PALLD: variants seen among roughly 807,000 people sequenced by gnomAD.
PALLD encodes palladin, cytoskeletal associated protein.
In PALLD, 61 loss-of-function variants were observed where a neutral mutation model predicts 123.5. That is an observed-to-expected ratio of 0.49 (90% CI 0.40 to 0.61). The LOEUF is 0.61. Ranked by LOEUF, PALLD falls within the 20% of genes least tolerant of loss-of-function variation. PALLD has a pLI of 0.00. For missense variants in PALLD, 1,273 were observed against 1,377.0 expected, an observed-to-expected ratio of 0.92 and a Z score of 1.20; for synonymous variants, 465 against 496.4, an observed-to-expected ratio of 0.94 and a Z score of 0.84.
chr4:168,907,066 C>T (rs888968920), intron 15 of PALLD, among the ~76,000 whole-genome samples: 1 of 152,028 alleles, frequency 6.6e-6, no homozygotes, highest in Non-Finnish European at 1.5e-5. Flanking sequence ...CCTGTGTGAC[C>T]TTAGCAAGTC....
At chr4:168,539,854 T>C (rs1410692420) in intron 2 of PALLD, among the ~76,000 whole-genome samples, 3 of 152,100 alleles carry the variant, frequency 2.0e-5, no homozygotes, top group Non-Finnish European at 4.4e-5. Context: ...ACGTGCAGGT[T>C]TGTTACATGG....
intron 2 of PALLD, among the ~76,000 whole-genome samples, chr4:168,635,452 C>G (rs1040597908): frequency 6.6e-6 from 1 of 152,238 alleles, no homozygotes; most frequent in African/African-American, 2.4e-5. Flanking sequence ...CCTATTACCT[C>G]TGAACAGGTT....
chr4:168,596,222 A>G (rs1000328408), intron 2 of PALLD, among the ~76,000 whole-genome samples: 4 of 152,128 alleles, frequency 2.6e-5, no homozygotes, highest in Admixed American at 6.6e-5. Context: ...CCATGGTCTA[A>G]TAGAGGAGAA....
At position 168,819,327 on chromosome 4, in the gene PALLD, T is replaced by TTGTGTGTG. The variant is rs3046003; in HGVS notation, c.1965-71566_1965-71559dup. Among the ~76,000 whole-genome samples the TTGTGTGTG allele has an allele frequency of 3.4e-5, 5 of 148,942 alleles. No individual in the cohort carries two copies. The East Asian group carries it at 6.0e-4, about 18-fold the overall frequency. ...GTAACTGCAGAGGCTCCGAGACCAT[T>TTGTGTGTG]TGTGTGTGTGTGTGTGTGTGTGTGT... On this transcript the variant is annotated intron_variant, in intron 10 of 21. Transcript: ENST00000505667.
At chr4:168,901,716 A>G (rs1016652987) in intron 14 of PALLD, among the ~76,000 whole-genome samples, 5 of 151,968 alleles carry the variant, frequency 3.3e-5, no homozygotes, top group African/African-American at 9.7e-5. Context: ...ACATTAGCTG[A>G]GCATGGAGGC....
intron 8 of PALLD, among the ~76,000 whole-genome samples, chr4:168,706,144 T>C (rs1784208399): frequency 6.6e-6 from 1 of 152,194 alleles, no homozygotes. Flanking sequence ...CTATGCCCAC[T>C]GAACAGCAAC....
intron 1 of PALLD, among the ~76,000 whole-genome samples, chr4:168,500,754 C>T (rs1448777739): frequency 2.6e-5 from 4 of 152,030 alleles, no homozygotes; most frequent in Non-Finnish European, 5.9e-5. Context: ...AATCTATCCC[C>T]AAAAGTCAGC....
At chr4:168,717,361 G>A (rs75910136) in intron 10 of PALLD, among the ~76,000 whole-genome samples, 1 of 149,516 alleles carries the variant, frequency 6.7e-6, no homozygotes, top group Non-Finnish European at 1.5e-5. Flanking sequence ...GTTTTTTTTT[G>A]AGATGAAGTT....
At chr4:168,807,417 TTA>T (rs1740381080) in intron 10 of PALLD, among the ~76,000 whole-genome samples, 1 of 152,148 alleles carries the variant, frequency 6.6e-6, no homozygotes, top group South Asian at 2.1e-4. Flanking sequence ...TCTTTCTTTT[TTA>T]TGTTTTTGAG....
intron 2 of PALLD, among the ~76,000 whole-genome samples, chr4:168,629,287 T>C (rs944034452): frequency 5.3e-5 from 8 of 152,176 alleles, no homozygotes; most frequent in African/African-American, 1.9e-4. Context: ...GTGCTGGGAT[T>C]ACAGACGTGA....
At chr4:168,584,982 C>T (rs998277209) in intron 2 of PALLD, among the ~76,000 whole-genome samples, 13 of 152,156 alleles carry the variant, frequency 8.5e-5, no homozygotes, top group African/African-American at 1.7e-4. Context: ...GGCTATTTTA[C>T]ACCAGTTCCC....
chr4:168,713,987 A>G (rs972090955), intron 10 of PALLD, among the ~76,000 whole-genome samples: 4 of 143,358 alleles, frequency 2.8e-5, no homozygotes, highest in African/African-American at 1.0e-4. Flanking sequence ...CGTATGTTTA[A>G]ACATATTCTT....
chr4:168,559,490 T>C (rs1349405220), intron 2 of PALLD, among the ~76,000 whole-genome samples: 1 of 152,160 alleles, frequency 6.6e-6, no homozygotes, highest in Non-Finnish European at 1.5e-5. Context: ...AATTCAAACA[T>C]AGCTGAAAAA....
intron 10 of PALLD, among the ~76,000 whole-genome samples, chr4:168,812,600 C>T (rs1336987226): frequency 3.3e-5 from 5 of 152,176 alleles, no homozygotes; most frequent in Admixed American, 6.5e-5. Flanking sequence ...AAGTTACACA[C>T]TCTCTCCTGC....
At chr4:168,881,415 G>A (rs1048164539) in intron 10 of PALLD, among the ~76,000 whole-genome samples, 6 of 151,730 alleles carry the variant, frequency 4.0e-5, no homozygotes, top group Non-Finnish European at 5.9e-5. Context: ...CCACAAAGCC[G>A]AGGCAAAAGA....
At chr4:168,872,340 C>G (rs1315680833) in intron 10 of PALLD, among the ~76,000 whole-genome samples, 1 of 152,200 alleles carries the variant, frequency 6.6e-6, no homozygotes, top group Non-Finnish European at 1.5e-5. Context: ...ACTCAGGTCA[C>G]TTCTCCCTTG....
chr4:168,774,095 A>AT (rs373831722), intron 10 of PALLD, among the ~76,000 whole-genome samples: 5,252 of 150,184 alleles, frequency 0.035, 137 homozygotes, highest in South Asian at 0.079. Flanking sequence ...GATTAAAAAA[A>AT]ATATATATAT....
chr4:168,667,952 T>G (rs977521326), intron 2 of PALLD, among the ~76,000 whole-genome samples: 1 of 152,236 alleles, frequency 6.6e-6, no homozygotes, highest in Non-Finnish European at 1.5e-5. Flanking sequence ...TTTGATAGCA[T>G]CACTTGGGTT....
chr4:168,589,077 G>A (rs899937847), intron 2 of PALLD, among the ~76,000 whole-genome samples: 1 of 152,222 alleles, frequency 6.6e-6, no homozygotes, highest in Admixed American at 6.5e-5. Context: ...CTATTGTCAA[G>A]CACAACTGTA....
Sources: allele counts gnomAD v4.1 joint callset (sites outside exome capture counted in the v4.1 genomes callset), GRCh38; gene constraint gnomAD v4.1.1; transcripts MANE v1.5; gene names NCBI Gene and HGNC (gene_info 2026-07-23, HGNC 2026-07-21).